MAN2A1: variants seen among roughly 807,000 people sequenced by gnomAD.
MAN2A1 encodes the protein mannosidase alpha class 2A member 1.
A neutral mutation model predicts 142.6 loss-of-function variants in MAN2A1; 76 were observed. The observed-to-expected ratio is 0.53, with a 90% CI of 0.44 to 0.65. The LOEUF (loss-of-function observed/expected upper bound fraction) is 0.65, where lower values mean the gene tolerates loss of function less well. Among genes scored for constraint, MAN2A1 ranks in the 30% least tolerant of loss-of-function variants. The probability of loss-of-function intolerance (pLI) is 0.00; values close to 1 mark genes in which losing one functional copy is unlikely to be tolerated. For synonymous variants in MAN2A1, 559 were observed against 473.2 expected, an observed-to-expected ratio of 1.18 and a Z score of -2.35; for missense variants, 1,311 against 1,365.1, an observed-to-expected ratio of 0.96 and a Z score of 0.62.
In MAN2A1 at chr5:109,842,474, T is replaced by C; in HGVS notation, c.2700+13T>C. ...AAATGGGTACCAGGTAATTTTTCCTTTAAAATGTTTAAGTAATGGTTGTAT... is the reference window on the plus strand; with the variant it reads ...AAATGGGTACCAGGTAATTTTTCCTCTAAAATGTTTAAGTAATGGTTGTAT... On this transcript the variant is annotated intron_variant, in intron 17 of 21. Coordinates refer to ENST00000261483, the MANE Select transcript of MAN2A1 (RefSeq NM_002372.4). 2 of 1,517,132 alleles carry C rather than the reference T, an allele frequency of 1.3e-6. No homozygotes were observed. Among genetic ancestry groups the C allele is most frequent in the Non-Finnish European group, 1.8e-6 (2 of 1,112,610 alleles). The allele number at this position is 1,517,132 out of a possible 1,614,324, so 94.0% of individuals were successfully genotyped here.
At position 109,820,360 on chromosome 5, in the gene MAN2A1, G is replaced by A. The variant is rs1295652918; in HGVS notation, c.2451+18G>A. 1.3e-6 allele frequency: 2 copies of A among 1,592,878 alleles called. No individual in the cohort carries two copies. The highest frequency in any genetic ancestry group is 3.6e-5 in the Admixed American group (2 of 55,162). On this transcript the variant is annotated intron_variant, in intron 15 of 21. Transcript: ENST00000261483. ...ATGCCAAGGTAAGTGGTACTGATGA[G>A]ATGACAAATGGAATAAACACTTATT...
intron 13 of MAN2A1, among the ~76,000 whole-genome samples, chr5:109,818,654 A>T (rs1754537397): frequency 6.6e-6 from 1 of 152,168 alleles, no homozygotes; most frequent in Admixed American, 6.5e-5. Context: ...TTGCAAAAAA[A>T]ATTAATAATT....
At chr5:109,756,376 C>T (rs1428823523) in intron 5 of MAN2A1, among the ~76,000 whole-genome samples, 1 of 151,522 alleles carries the variant, frequency 6.6e-6, no homozygotes, top group African/African-American at 2.4e-5. Flanking sequence ...TTTTATATCT[C>T]AGTATAATAA....
Position 109,784,779 on chromosome 5 carries a change from A to T in MAN2A1, c.1613A>T (p.Gln538Leu). Residue 538 changes from glutamine (Q) to leucine (L), a missense_variant, in exon 10 of 22, where the codon CAA becomes CTA. Physicochemically the swap from Gln to Leu is moderately radical, Grantham distance 113. Around this residue, in one of 3 missense-constraint regions of MAN2A1, gnomAD observed 890 missense variants for 920.5 expected, o/e 0.97. Coordinates refer to ENST00000261483, the MANE Select transcript of MAN2A1 (RefSeq NM_002372.4). ...ATTCTTTACTATTTCGCCCTGAGACAAGCTCACAAATACAAGATAAATAAA... is the reference window on the plus strand; with the variant it reads ...ATTCTTTACTATTTCGCCCTGAGACTAGCTCACAAATACAAGATAAATAAA... Reference protein sequence around the residue: ...AEILYYFALRQAHKYKINKFL... With the variant: ...AEILYYFALRLAHKYKINKFL... 1 of 1,607,008 alleles carries T rather than the reference A, an allele frequency of 6.2e-7. No individual in the cohort carries two copies. Among genetic ancestry groups the T allele is most frequent in the Middle Eastern group, 1.7e-4 (1 of 6,018 alleles).
intron 4 of MAN2A1, among the ~76,000 whole-genome samples, chr5:109,742,065 C>G (rs989969058): frequency 6.6e-6 from 1 of 152,062 alleles, no homozygotes; most frequent in African/African-American, 2.4e-5. Context: ...AAATGTGAAC[C>G]CTTATTGAGA....
At chr5:109,813,442 T>C (rs1226311953) in intron 12 of MAN2A1, among the ~76,000 whole-genome samples, 1 of 152,236 alleles carries the variant, frequency 6.6e-6, no homozygotes, top group Non-Finnish European at 1.5e-5. Flanking sequence ...ACTTTTTACC[T>C]GGGCCTGTCT....
At chr5:109,840,682 A>G (rs1033772747) in intron 16 of MAN2A1, 2 of 436,668 alleles carry the variant, frequency 4.6e-6, no homozygotes, top group African/African-American at 4.2e-5. Flanking sequence ...TCTCTGCTTT[A>G]TCAGTCATTG....
chr5:109,798,083 C>T (rs944303531), intron 12 of MAN2A1, among the ~76,000 whole-genome samples: 43 of 152,088 alleles, frequency 2.8e-4, no homozygotes, highest in Non-Finnish European at 5.9e-5. Flanking sequence ...AACAATTAGA[C>T]GTAGTGAAAT....
chr5:109,847,909 T>C, intron 19 of MAN2A1, 119 bp downstream of exon 19: 1 of 650,614 alleles, frequency 1.5e-6, no homozygotes, highest in South Asian at 5.0e-5. Flanking sequence ...GATTTCTTTA[T>C]AGTAGATGTG....
At chr5:109,781,701 G>A (rs978034375) in intron 9 of MAN2A1, 103 bp downstream of exon 9, 3 of 683,900 alleles carry the variant, frequency 4.4e-6, no homozygotes, top group African/African-American at 3.7e-5. Flanking sequence ...AGTACATTAT[G>A]TAGTGTTAAG....
chr5:109,731,286 T>G (rs1482180051), intron 4 of MAN2A1, among the ~76,000 whole-genome samples: 1 of 151,936 alleles, frequency 6.6e-6, no homozygotes, highest in Non-Finnish European at 1.5e-5. Flanking sequence ...TTTAAGCAAT[T>G]GACCAATCAA....
chr5:109,795,633 A>G (rs777439881), intron 12 of MAN2A1, among the ~76,000 whole-genome samples: 5 of 152,198 alleles, frequency 3.3e-5, no homozygotes, highest in Non-Finnish European at 5.9e-5. Flanking sequence ...AAGCAGTTAG[A>G]AATAAAAGCA....
chr5:109,692,763 C>T (rs1419338739), intron 1 of MAN2A1, among the ~76,000 whole-genome samples: 5 of 146,786 alleles, frequency 3.4e-5, no homozygotes, highest in Admixed American at 6.9e-5. Context: ...GGACTGGTTT[C>T]CTGGAAGACA....
chr5:109,716,327 A>T lies in MAN2A1; in HGVS notation c.535+63A>T, dbSNP rs148189533. 600 of 1,412,700 alleles carry T rather than the reference A, an allele frequency of 4.2e-4. 2 individuals carry two copies. The highest frequency in any genetic ancestry group is 5.2e-4 in the Non-Finnish European group (540 of 1,035,194). 87.5% of individuals were successfully genotyped at this position (1,412,700 alleles called of 1,614,324 possible). A position where few individuals can be genotyped will look rare whatever the true frequency, so the allele number is the denominator to read the frequency against. ...GTTTCTTTAGGCCTAGAGTCTTTTA[A>T]TGAGAATCTGGTAGAGGCCACTTCT... On this transcript the variant is annotated intron_variant, in intron 3 of 21. Transcript: ENST00000261483.
At chr5:109,770,646 C>A in intron 7 of MAN2A1, 105 bp downstream of exon 7, 1 of 1,027,224 alleles carries the variant, frequency 9.7e-7, no homozygotes, top group Non-Finnish European at 1.4e-6. Context: ...CAACATTATC[C>A]TTGTTTGAAG....
chr5:109,715,386 A>G (rs1463648685), intron 2 of MAN2A1, among the ~76,000 whole-genome samples: 1 of 151,928 alleles, frequency 6.6e-6, no homozygotes. Flanking sequence ...TTGTGTTGTC[A>G]CATTTAATAT....
intron 19 of MAN2A1, among the ~76,000 whole-genome samples, chr5:109,851,411 C>G (rs1219810068): frequency 6.6e-6 from 1 of 152,142 alleles, no homozygotes; most frequent in East Asian, 1.9e-4. Flanking sequence ...CTTTGGGAGG[C>G]TTTTGGGTCA....
intron 4 of MAN2A1, among the ~76,000 whole-genome samples, chr5:109,736,117 T>A (rs1333648338): frequency 6.6e-6 from 1 of 152,042 alleles, no homozygotes; most frequent in Non-Finnish European, 1.5e-5. Context: ...ACCTAGAGTT[T>A]TTACACTGAA....
Position 109,855,247 on chromosome 5 carries a change from C to T in MAN2A1, c.3084C>T (p.Thr1028=), listed in dbSNP as rs759445332. 4 of 1,608,032 alleles carry T rather than the reference C, an allele frequency of 2.5e-6. No homozygotes were observed. Among genetic ancestry groups the T allele is most frequent in the East Asian group, 2.3e-5 (1 of 43,664 alleles). ...TGGCAAATAAGTTCTCCTCACCTAC[C>T]CTTGAGCTGCAAGGTGAATTCTCTC... ...IPMANKFSSP[T]LELQGEFSPL... Residue 1028 remains threonine (T), a synonymous_variant, in exon 20 of 22, where the codon ACC becomes ACT. Coordinates refer to ENST00000261483, the MANE Select transcript of MAN2A1 (RefSeq NM_002372.4).
Sources: gnomAD v4.1 joint callset for allele counts (sites outside exome capture counted in the v4.1 genomes callset) on GRCh38, gnomAD v4.1.1 for gene constraint, gnomAD v4.1.1 regional missense constraint, MANE v1.5 for transcripts, NCBI Gene and HGNC (gene_info 2026-07-23, HGNC 2026-07-21) for gene names.